The following DSTN variants were observed in gnomAD, a reference collection of about 807,000 sequenced individuals.
The protein encoded by DSTN is destrin.
DSTN carries 10 observed loss-of-function variants against 16.8 expected under a neutral mutation model. The observed-to-expected ratio is 0.60, with a 90% confidence interval of 0.37 to 1.01. The LOEUF is 1.01. Ranked by LOEUF, DSTN falls within the 50% of genes least tolerant of loss-of-function variation. The probability of loss-of-function intolerance (pLI) is 0.01; values close to 1 mark genes in which losing one functional copy is unlikely to be tolerated. For missense variants in DSTN, 141 were observed against 196.7 expected, an observed-to-expected ratio of 0.72 and a Z score of 1.69; for synonymous variants, 57 against 58.9, an observed-to-expected ratio of 0.97 and a Z score of 0.14.
intron 1 of DSTN, among the ~76,000 whole-genome samples, chr20:17,594,321 G>C (rs73258685): frequency 0.092 from 14,044 of 151,884 alleles, 1,206 homozygotes; most frequent in African/African-American, 0.23. Flanking sequence ...TCTCTGTCAC[G>C]CAGAGTCCAG....
chr20:17,584,447 C>A (rs1039226949), intron 1 of DSTN, among the ~76,000 whole-genome samples: 2 of 151,866 alleles, frequency 1.3e-5, no homozygotes, highest in East Asian at 3.9e-4. Context: ...GTTGGGAGTT[C>A]GAGACCAGCC....
At chr20:17,578,500 A>G (rs1381467608) in intron 1 of DSTN, among the ~76,000 whole-genome samples, 1 of 152,228 alleles carries the variant, frequency 6.6e-6, no homozygotes, top group Non-Finnish European at 1.5e-5. Context: ...ATCCTTCAAG[A>G]TAGTTAAGGC....
chr20:17,574,155 G>A (rs2035239763), intron 1 of DSTN, among the ~76,000 whole-genome samples: 1 of 152,210 alleles, frequency 6.6e-6, no homozygotes, highest in South Asian at 2.1e-4. Context: ...TGTGAGCTAT[G>A]ATTGTACTAC....
intron 1 of DSTN, among the ~76,000 whole-genome samples, chr20:17,583,087 A>G (rs1268633285): frequency 6.6e-6 from 1 of 152,272 alleles, no homozygotes; most frequent in African/African-American, 2.4e-5. Flanking sequence ...TAATAAGCCA[A>G]TGGAAAAAAA....
intron 1 of DSTN, among the ~76,000 whole-genome samples, chr20:17,599,073 A>G (rs886576934): frequency 4.6e-5 from 7 of 152,256 alleles, no homozygotes; most frequent in Admixed American, 1.3e-4. Context: ...ATGTCTATCA[A>G]CTGATGAATA....
At chr20:17,602,569 T>C (rs2035597875) in intron 2 of DSTN, among the ~76,000 whole-genome samples, 1 of 152,226 alleles carries the variant, frequency 6.6e-6, no homozygotes, top group Non-Finnish European at 1.5e-5. Flanking sequence ...TTTTGCACTG[T>C]TACACTGTTA....
At chr20:17,570,360 G>A (rs972034437) in intron 1 of DSTN, 149 bp downstream of exon 1, 63 of 1,129,458 alleles carry the variant, frequency 5.6e-5, no homozygotes, top group Admixed American at 4.1e-5. Context: ...GCGGGTGAGG[G>A]GGGGTCTCTG....
At chr20:17,570,347 G>A in intron 1 of DSTN, 136 bp downstream of exon 1, 3 of 1,244,736 alleles carry the variant, frequency 2.4e-6, no homozygotes, top group South Asian at 1.8e-5. Flanking sequence ...CAGTGTCCGG[G>A]CTGCGGGTGA....
At chr20:17,585,080 A>G (rs896275627) in intron 1 of DSTN, among the ~76,000 whole-genome samples, 1 of 152,226 alleles carries the variant, frequency 6.6e-6, no homozygotes, top group Non-Finnish European at 1.5e-5. Flanking sequence ...AGGCTCTATG[A>G]TATAAATGGC....
intron 1 of DSTN, among the ~76,000 whole-genome samples, chr20:17,582,758 A>G (rs1056907177): frequency 2.0e-5 from 3 of 152,248 alleles, no homozygotes; most frequent in African/African-American, 7.2e-5. Context: ...TCTAGAACAC[A>G]TAGGTATAAA....
At chr20:17,602,507 A>T (rs2035597250) in intron 2 of DSTN, among the ~76,000 whole-genome samples, 1 of 152,062 alleles carries the variant, frequency 6.6e-6, no homozygotes, top group Non-Finnish European at 1.5e-5. Flanking sequence ...TATTTTTTTA[A>T]ATGTGGAAAA....
In DSTN at chr20:17,570,199, C is replaced by T. The variant is rs773791874; in HGVS notation, c.-10C>T. 17 of 1,519,838 alleles carry T rather than the reference C, an allele frequency of 1.1e-5. No homozygotes were observed. In the East Asian group the frequency reaches 2.9e-4, roughly 26 times the overall value. The allele number at this position is 1,519,838 out of a possible 1,614,324, so 94.1% of individuals were successfully genotyped here. On this transcript the variant is annotated 5_prime_UTR_variant, in exon 1 of 4. Transcript: ENST00000246069. The stretch of plus-strand genomic sequence containing the variant: ...CCCTCCCCCGCGTCCCTGCGACCGC[C>T]GCGGCGAAGATGGTGAGTAGGAGGG...
chr20:17,571,299 A>G (rs1484823934), intron 1 of DSTN, among the ~76,000 whole-genome samples: 1 of 152,256 alleles, frequency 6.6e-6, no homozygotes, highest in African/African-American at 2.4e-5. Flanking sequence ...GTCTAGAAGC[A>G]GTTGGTACCA....
At chr20:17,582,564 C>T (rs1319625958) in intron 1 of DSTN, among the ~76,000 whole-genome samples, 2 of 152,186 alleles carry the variant, frequency 1.3e-5, no homozygotes, top group Non-Finnish European at 2.9e-5. Flanking sequence ...TTTCCCATTT[C>T]CCAGTGTGAC....
intron 1 of DSTN, chr20:17,599,684 T>C (rs1205577541): frequency 6.6e-6 from 1 of 152,258 alleles, no homozygotes; most frequent in East Asian, 1.9e-4. Flanking sequence ...GATGTCTGGG[T>C]GCTGTAGTTG....
intron 1 of DSTN, among the ~76,000 whole-genome samples, chr20:17,583,380 A>G (rs1045493338): frequency 1.3e-5 from 2 of 152,282 alleles, no homozygotes; most frequent in South Asian, 4.1e-4. Context: ...CCACACAAAA[A>G]CTTGTACACA....
At chr20:17,593,084 C>T (rs553855826) in intron 1 of DSTN, among the ~76,000 whole-genome samples, 2 of 152,296 alleles carry the variant, frequency 1.3e-5, no homozygotes, top group South Asian at 2.1e-4. Context: ...CAACCTGGTG[C>T]GAGTCTCCAG....
chr20:17,592,178 C>G, intron 1 of DSTN: 2 of 890,748 alleles, frequency 2.2e-6, no homozygotes, highest in East Asian at 2.4e-4. Context: ...GTAATCCCAG[C>G]ATTTTGGGAG....
At chr20:17,598,922 T>C (rs890058498) in intron 1 of DSTN, among the ~76,000 whole-genome samples, 13 of 152,190 alleles carry the variant, frequency 8.5e-5, no homozygotes, top group Non-Finnish European at 4.4e-5. Flanking sequence ...ACTCAAAGCA[T>C]GGTTTTACAT....
Sources: gnomAD v4.1 joint callset for allele counts (sites outside exome capture counted in the v4.1 genomes callset) on GRCh38, gnomAD v4.1.1 for gene constraint, MANE v1.5 for transcripts, NCBI Gene and HGNC (gene_info 2026-07-23, HGNC 2026-07-21) for gene names.